R3HCC1L: variants seen among roughly 807,000 people sequenced by gnomAD.
The protein encoded by R3HCC1L is R3H domain and coiled-coil containing 1 like, also known as coiled-coil domain-containing protein R3HCC1L.
R3HCC1L carries 51 observed loss-of-function variants against 59.9 expected under a neutral mutation model. That is an observed-to-expected ratio of 0.85 (90% CI 0.68 to 1.07). The LOEUF (loss-of-function observed/expected upper bound fraction) is 1.07. Among genes scored for constraint, R3HCC1L ranks in the 50% least tolerant of loss-of-function variants. The pLI, the probability that R3HCC1L is intolerant of heterozygous loss-of-function variation, is 0.00. For synonymous variants in R3HCC1L, 322 were observed against 315.2 expected (o/e 1.02, Z -0.23); for missense variants, 965 against 933.0 (o/e 1.03, Z -0.45).
At chr10:98,146,713 G>T (rs981020435) in intron 1 of R3HCC1L, among the ~76,000 whole-genome samples, 11 of 152,130 alleles carry the variant, frequency 7.2e-5, no homozygotes, top group Admixed American at 6.5e-4. Flanking sequence ...AACCAGAATA[G>T]ATTCAGAGAG....
chr10:98,185,308 A>G (rs1850106907), intron 4 of R3HCC1L, among the ~76,000 whole-genome samples: 2 of 152,178 alleles, frequency 1.3e-5, no homozygotes, highest in African/African-American at 4.8e-5. Context: ...AGTACCCTTA[A>G]TAATACTTTC....
chr10:98,157,467 G>C (rs186009396), intron 2 of R3HCC1L, among the ~76,000 whole-genome samples: 24 of 152,328 alleles, frequency 1.6e-4, no homozygotes, highest in African/African-American at 5.8e-4. Context: ...TCACAGAGGA[G>C]GAGGGGATCT....
At chr10:98,227,367 G>C (rs982846076) in intron 5 of R3HCC1L, among the ~76,000 whole-genome samples, 7 of 152,012 alleles carry the variant, frequency 4.6e-5, no homozygotes, top group Non-Finnish European at 8.8e-5. Flanking sequence ...TAAAACTCTT[G>C]AATCCATTTT....
In R3HCC1L at chr10:98,153,629, AAAG is replaced by A. The variant is rs1430165901; in HGVS notation, c.-267-2460_-267-2458del. On this transcript the variant is annotated intron_variant, in intron 1 of 9. Coordinates refer to ENST00000298999, the MANE Select transcript of R3HCC1L (RefSeq NM_001351015.2). Reference sequence around the variant, plus strand: ...TCAATTAAAAAAAAAAAAAAAAAAAAAAGAAGTTTAGACACAACAGCTGACCAG... The same window carrying A: ...TCAATTAAAAAAAAAAAAAAAAAAAAAAGTTTAGACACAACAGCTGACCAG... Among the ~76,000 whole-genome samples the A allele has an allele frequency of 6.7e-4, 101 of 150,220 alleles. 1 individual carries two copies. Among genetic ancestry groups the A allele is most frequent in the South Asian group, 1.2e-3 (6 of 4,802 alleles).
intron 4 of R3HCC1L, among the ~76,000 whole-genome samples, chr10:98,187,967 T>G (rs1850409302): frequency 6.6e-6 from 1 of 152,084 alleles, no homozygotes. Context: ...GGTCTCGAAC[T>G]CCTGGACTTA....
In R3HCC1L at chr10:98,243,759, G is replaced by A. The variant is rs185989018; in HGVS notation, c.2270-332G>A. ...TAAGCTGAGAATAATGGGCAATTGT[G>A]TTGAAGCACTAAACATAGTTGAAAA... On this transcript the variant is annotated intron_variant, in intron 9 of 9. Transcript: ENST00000298999. Among the ~76,000 whole-genome samples the A allele has an allele frequency of 3.0e-3, 455 of 152,302 alleles. 4 individuals are homozygous for A. Among genetic ancestry groups the A allele is most frequent in the Non-Finnish European group, 3.9e-3 (263 of 68,030 alleles).
intron 4 of R3HCC1L, among the ~76,000 whole-genome samples, chr10:98,205,488 TCTTCCATTCTTAAAAAA>T (rs1564690129): frequency 1.3e-5 from 2 of 152,338 alleles, no homozygotes; most frequent in East Asian, 3.9e-4. Flanking sequence ...AAGTATATAT[TCTTCCATTCTTAAAAAA>T]TGATTACTTC....
At chr10:98,230,555 G>GT (rs1295305635) in intron 5 of R3HCC1L, among the ~76,000 whole-genome samples, 1 of 151,998 alleles carries the variant, frequency 6.6e-6, no homozygotes, top group Non-Finnish European at 1.5e-5. Flanking sequence ...TTTTTGAAGG[G>GT]TTTTTTGTGT....
At chr10:98,225,876 G>A (rs1855616217) in intron 5 of R3HCC1L, among the ~76,000 whole-genome samples, 1 of 151,708 alleles carries the variant, frequency 6.6e-6, no homozygotes, top group South Asian at 2.1e-4. Flanking sequence ...GTCTTGGCTC[G>A]GTAACCCAGG....
At chr10:98,194,710 GA>G (rs1851235011) in intron 4 of R3HCC1L, among the ~76,000 whole-genome samples, 1 of 152,054 alleles carries the variant, frequency 6.6e-6, no homozygotes, top group Admixed American at 6.6e-5. Context: ...GCAGGCATGT[GA>G]AAAGATGTTC....
chr10:98,139,520 A>G (rs983141706), intron 1 of R3HCC1L, among the ~76,000 whole-genome samples: 1 of 152,236 alleles, frequency 6.6e-6, no homozygotes, highest in African/African-American at 2.4e-5. Context: ...CCACGAGGAA[A>G]TGTGCTCTTC....
chr10:98,180,575 A>G (rs1849524581), intron 4 of R3HCC1L, among the ~76,000 whole-genome samples: 2 of 152,210 alleles, frequency 1.3e-5, no homozygotes, highest in African/African-American at 4.8e-5. Context: ...GATGTCTATT[A>G]GGTCTGCTTG....
intron 4 of R3HCC1L, among the ~76,000 whole-genome samples, chr10:98,180,934 T>C (rs1849559998): frequency 6.6e-6 from 1 of 152,186 alleles, no homozygotes; most frequent in South Asian, 2.1e-4. Context: ...ATTTTAAGCC[T>C]ATGTGTGTCT....
intron 2 of R3HCC1L, among the ~76,000 whole-genome samples, 160 bp from the exon 3 acceptor site, chr10:98,162,723 G>T (rs1459735045): frequency 6.6e-6 from 1 of 151,692 alleles, no homozygotes; most frequent in Non-Finnish European, 1.5e-5. Flanking sequence ...TTTGAGATAG[G>T]ATCTCATTCT....
chr10:98,151,864 G>A (rs1314959868), intron 1 of R3HCC1L, among the ~76,000 whole-genome samples: 1 of 152,196 alleles, frequency 6.6e-6, no homozygotes, highest in Admixed American at 6.5e-5. Flanking sequence ...AGACTTAAAT[G>A]TGATAGAAGT....
Position 98,235,442 on chromosome 10 carries a change from A to G in R3HCC1L, c.2050A>G (p.Ile684Val). ...CTTTGCAGCTCGTGATGCGTTGGGT[A>G]TTAAACACACCATGGTGAAGATTCG... ...SPITARDALG[I>V]KHTMVKIRPL... is the part of the protein sequence containing the mutation. Residue 684 changes from isoleucine to valine, a missense_variant, in exon 8 of 10, where the codon ATT becomes GTT. Ile to Val is a conservative substitution (Grantham distance 29). Coordinates refer to ENST00000298999, the MANE Select transcript of R3HCC1L (RefSeq NM_001351015.2). 1 of 1,613,536 alleles carries G rather than the reference A, an allele frequency of 6.2e-7. No individual in the cohort carries two copies. The highest frequency in any genetic ancestry group is 8.5e-7 in the Non-Finnish European group (1 of 1,179,672).
At position 98,208,553 on chromosome 10, in the gene R3HCC1L, T is replaced by C. The variant is rs1264222440; in HGVS notation, c.439T>C (p.Cys147Arg). Residue 147 changes from cysteine (C) to arginine (R), a missense_variant, in exon 5 of 10, where the codon TGT (cysteine) becomes CGT (arginine). Coordinates refer to ENST00000298999, the MANE Select transcript of R3HCC1L (RefSeq NM_001351015.2). ...ACATTTTAAACCAAAGAAGGTGGAG[T>C]GTTTGGAAGTTGAAACTACGGATGT... ...QRHFKPKKVE[C>R]LEVETTDVTG... 6.2e-7 allele frequency: 1 copy of C among 1,613,898 alleles called. No individual in the cohort carries two copies. The highest frequency in any genetic ancestry group is 1.7e-5 in the Admixed American group (1 of 59,994).
In R3HCC1L at chr10:98,209,464, T is replaced by G. The variant is rs1486197549; in HGVS notation, c.1350T>G (p.Ser450Arg). The change falls in exon 5 of 10, where the codon AGT becomes AGG. Residue 450 changes from serine (S) to arginine (R), a missense_variant. Ser to Arg is a moderately radical substitution (Grantham distance 110). Coordinates refer to ENST00000298999, the MANE Select transcript of R3HCC1L (RefSeq NM_001351015.2). ...CTTGCTCAGATATTTATGGTGAGAG[T>G]ATTTCATCTCATTTTACAGAGTCAA... Reference protein sequence around the residue: ...PSACSDIYGESISSHFTESTG... With the variant: ...PSACSDIYGERISSHFTESTG... 3.1e-6 allele frequency: 5 copies of G among 1,613,592 alleles called. No individual in the cohort carries two copies. In the East Asian group the frequency reaches 6.7e-5, roughly 22 times the overall value.
intron 4 of R3HCC1L, among the ~76,000 whole-genome samples, chr10:98,205,840 T>A (rs1022942025): frequency 1.3e-5 from 2 of 152,200 alleles, no homozygotes; most frequent in South Asian, 2.1e-4. Context: ...AGAAATAGAA[T>A]CATAGAATTT....
Sources: gnomAD v4.1 joint callset for allele counts (sites outside exome capture counted in the v4.1 genomes callset) on GRCh38, gnomAD v4.1.1 for gene constraint, MANE v1.5 for transcripts, NCBI Gene and HGNC (gene_info 2026-07-23, HGNC 2026-07-21) for gene names.